Variants in DACH1 observed in about 807,000 individuals in gnomAD.
DACH1 encodes the protein dachshund homolog 1.
In DACH1, 12 loss-of-function variants were observed where a neutral mutation model predicts 54.2. That is an observed-to-expected ratio of 0.22 (90% CI 0.14 to 0.36). The LOEUF is 0.36. Among genes scored for constraint, DACH1 ranks in the 10% least tolerant of loss-of-function variants. The pLI is 1.00. For missense variants in DACH1, 805 were observed against 929.8 expected, an observed-to-expected ratio of 0.87 and a Z score of 1.75; for synonymous variants, 386 against 366.2, an observed-to-expected ratio of 1.05 and a Z score of -0.62.
At chr13:71,597,654 T>C (rs1334083029) in intron 3 of DACH1, among the ~76,000 whole-genome samples, 1 of 152,160 alleles carries the variant, frequency 6.6e-6, no homozygotes, top group African/African-American at 2.4e-5. Context: ...GGGAATTGAT[T>C]TGGTCTCTCA....
chr13:71,575,069 A>AT (rs1231912052), intron 3 of DACH1, among the ~76,000 whole-genome samples: 4 of 152,018 alleles, frequency 2.6e-5, no homozygotes, highest in African/African-American at 4.8e-5. Flanking sequence ...AGTACATGCA[A>AT]TTTTTTTATT....
At chr13:71,826,012 C>A (rs1318030459) in intron 1 of DACH1, among the ~76,000 whole-genome samples, 3 of 152,060 alleles carry the variant, frequency 2.0e-5, no homozygotes, top group Admixed American at 1.3e-4. Flanking sequence ...AGAATTCACA[C>A]CCTGAGTCCA....
intron 1 of DACH1, among the ~76,000 whole-genome samples, chr13:71,828,093 G>A (rs1229292141): frequency 6.6e-6 from 1 of 151,976 alleles, no homozygotes; most frequent in Non-Finnish European, 1.5e-5. Flanking sequence ...CAAATTGATT[G>A]CCTTTAATGC....
chr13:71,538,128 T>C (rs1322150905), intron 6 of DACH1, among the ~76,000 whole-genome samples: 2 of 152,078 alleles, frequency 1.3e-5, no homozygotes, highest in African/African-American at 4.8e-5. Flanking sequence ...TGCCCCACAC[T>C]AGGCCACTGC....
At chr13:71,485,763 A>G (rs1405000150) in intron 7 of DACH1, among the ~76,000 whole-genome samples, 1 of 150,810 alleles carries the variant, frequency 6.6e-6, no homozygotes, top group Non-Finnish European at 1.5e-5. Context: ...TTACATTTTT[A>G]GTAGAGACAG....
chr13:71,575,668 T>C (rs1432194855), intron 3 of DACH1, among the ~76,000 whole-genome samples: 1 of 152,048 alleles, frequency 6.6e-6, no homozygotes, highest in Non-Finnish European at 1.5e-5. Flanking sequence ...GTCACAGATA[T>C]CAGTCCCTTG....
chr13:71,586,614 C>A (rs925937775), intron 3 of DACH1, among the ~76,000 whole-genome samples: 1 of 152,006 alleles, frequency 6.6e-6, no homozygotes, highest in Non-Finnish European at 1.5e-5. Flanking sequence ...TCAAAAATGA[C>A]AATATATAAT....
At chr13:71,656,685 A>T (rs901880469) in intron 2 of DACH1, among the ~76,000 whole-genome samples, 1 of 151,682 alleles carries the variant, frequency 6.6e-6, no homozygotes. Flanking sequence ...CTGACAAATT[A>T]GCTTTCTCTA....
At chr13:71,753,920 A>G (rs1411619670) in intron 1 of DACH1, among the ~76,000 whole-genome samples, 1 of 152,224 alleles carries the variant, frequency 6.6e-6, no homozygotes, top group East Asian at 1.9e-4. Context: ...CAAAGTATAA[A>G]TGACCAAATG....
chr13:71,737,542 T>A (rs1884193343), intron 1 of DACH1, among the ~76,000 whole-genome samples: 1 of 152,240 alleles, frequency 6.6e-6, no homozygotes, highest in African/African-American at 2.4e-5. Flanking sequence ...GGAAATAGTT[T>A]GGAAACCATA....
rs1566343526 is a variant in DACH1, at chr13:71,562,246, ATT to A, written c.1300-2293_1300-2292del. ...ATCGGGGTTAACAATTAAGTGTTTT[ATT>A]TTATGCAAATAGCAAAACTGATATG... is the stretch of plus-strand genomic sequence containing the variant. On this transcript the variant is annotated intron_variant, in intron 4 of 10. Transcript: ENST00000613252. Among the ~76,000 whole-genome samples the A allele has an allele frequency of 2.6e-5, 4 of 152,266 alleles. No individual in the cohort carries two copies. The South Asian group carries it at 6.2e-4, about 24-fold the overall frequency.
intron 1 of DACH1, among the ~76,000 whole-genome samples, chr13:71,854,563 T>C (rs1026784437): frequency 1.3e-5 from 2 of 152,108 alleles, no homozygotes; most frequent in Non-Finnish European, 2.9e-5. Context: ...TCAATCATTA[T>C]TGGAAAGAGA....
intron 1 of DACH1, among the ~76,000 whole-genome samples, chr13:71,758,795 G>T (rs974332975): frequency 6.6e-6 from 1 of 152,106 alleles, no homozygotes; most frequent in Non-Finnish European, 1.5e-5. Flanking sequence ...TAATTTCTAC[G>T]GGTAATTCCA....
At chr13:71,865,149 G>A (rs745703181) in intron 1 of DACH1, among the ~76,000 whole-genome samples, 1 of 152,102 alleles carries the variant, frequency 6.6e-6, no homozygotes, top group African/African-American at 2.4e-5. Flanking sequence ...CGGGGCCACC[G>A]TACCCCTTTA....
intron 6 of DACH1, among the ~76,000 whole-genome samples, chr13:71,554,563 A>G (rs1884116353): frequency 6.6e-6 from 1 of 152,134 alleles, no homozygotes; most frequent in African/African-American, 2.4e-5. Flanking sequence ...TGAAGGTCAG[A>G]AAATTCCACC....
chr13:71,751,926 A>G (rs74099123), intron 1 of DACH1, among the ~76,000 whole-genome samples: 1 of 152,170 alleles, frequency 6.6e-6, no homozygotes, highest in African/African-American at 2.4e-5. Context: ...GAATTCTACT[A>G]TTATGTATCA....
intron 2 of DACH1, among the ~76,000 whole-genome samples, chr13:71,667,997 T>C (rs1285013062): frequency 6.6e-5 from 10 of 152,116 alleles, no homozygotes; most frequent in Admixed American, 3.9e-4. Context: ...GGGCATTTAC[T>C]GCTTTAATAG....
intron 4 of DACH1, among the ~76,000 whole-genome samples, 158 bp from the exon 5 acceptor site, chr13:71,560,113 T>TG (rs1331072756): frequency 2.0e-5 from 3 of 152,194 alleles, no homozygotes; most frequent in African/African-American, 7.2e-5. Flanking sequence ...ATGTTTATCT[T>TG]GAGCAAGCCA....
chr13:71,699,525 CTT>C (rs1882004361), intron 1 of DACH1, among the ~76,000 whole-genome samples: 1 of 152,124 alleles, frequency 6.6e-6, no homozygotes, highest in African/African-American at 2.4e-5. Flanking sequence ...GCACTATACT[CTT>C]TTATTGGGTT....
Sources: allele counts gnomAD v4.1 joint callset (sites outside exome capture counted in the v4.1 genomes callset), GRCh38; gene constraint gnomAD v4.1.1; transcripts MANE v1.5; gene names NCBI Gene and HGNC (gene_info 2026-07-23, HGNC 2026-07-21).